C8orf34: variants seen among roughly 807,000 people sequenced by gnomAD.
C8orf34 encodes uncharacterized protein C8orf34.
Under a neutral mutation model 68.3 loss-of-function variants are expected in C8orf34, and 65 were observed. That is an observed-to-expected ratio of 0.95 (90% confidence interval 0.78 to 1.17). The LOEUF is 1.17. Among genes scored for constraint, C8orf34 ranks in the 50% most tolerant of loss-of-function variants. The pLI, the probability that C8orf34 is intolerant of heterozygous loss-of-function variation, is 0.00. For synonymous variants in C8orf34, 244 were observed against 241.2 expected (o/e 1.01, Z -0.11); for missense variants, 664 against 655.4 (o/e 1.01, Z -0.14).
chr8:68,787,508 T>A lies in C8orf34; in HGVS notation c.1521T>A (p.Ser507Arg), dbSNP rs1409191176. ...GGATCTTGCCAAGTGACACAGAAAG[T>A]GAAGGAGTGGAAGCAGAACAAGAGA... ...QPWILPSDTE[S>R]EGVEAEQEKR... Residue 507 changes from serine (S) to arginine (R), a missense_variant, in exon 12 of 14, where the codon AGT becomes AGA. Physicochemically the swap from Ser to Arg is moderately radical, Grantham distance 110. Coordinates refer to ENST00000518698, the MANE Select transcript of C8orf34 (RefSeq NM_052958.4). The A allele has an allele frequency of 1.2e-6, 2 of 1,611,880 alleles. No homozygotes were observed. The highest frequency in any genetic ancestry group is 1.7e-6 in the Non-Finnish European group (2 of 1,178,614).
chr8:68,330,393 T>C (rs1805515807), upstream of C8orf34, among the ~76,000 whole-genome samples: 1 of 152,114 alleles, frequency 6.6e-6, no homozygotes, highest in Non-Finnish European at 1.5e-5. Flanking sequence ...AGTTTTCAGC[T>C]GGGTTCTCAG....
intron 7 of C8orf34, among the ~76,000 whole-genome samples, chr8:68,620,314 C>A (rs1213188493): frequency 6.6e-6 from 1 of 152,156 alleles, no homozygotes; most frequent in East Asian, 1.9e-4. Context: ...GCATCCCAGC[C>A]TAGGCCAGAG....
intron 1 of C8orf34, 58 bp from the exon 2 acceptor site, chr8:68,439,441 T>A (rs1810803423): frequency 2.0e-6 from 3 of 1,535,444 alleles, no homozygotes; most frequent in Non-Finnish European, 2.7e-6. Context: ...AAGTAAGTGC[T>A]TGCTATTACT....
At chr8:68,367,899 T>TA (rs1377295258) in intron 1 of C8orf34, among the ~76,000 whole-genome samples, 1 of 8,246 alleles carries the variant, frequency 1.2e-4, no homozygotes, top group Non-Finnish European at 2.6e-4. Flanking sequence ...TAAAGTATAA[T>TA]AAAAAAAGAA....
At chr8:68,354,068 T>A (rs1806638575) in intron 1 of C8orf34, among the ~76,000 whole-genome samples, 1 of 152,084 alleles carries the variant, frequency 6.6e-6, no homozygotes, top group Non-Finnish European at 1.5e-5. Flanking sequence ...TTGTTTATAG[T>A]GTTTACTCAT....
rs575279614 is a variant in C8orf34, at chr8:68,456,807, T to C, written c.607+10347T>C. On this transcript the variant is annotated intron_variant, in intron 3 of 13. Transcript: ENST00000518698. The stretch of plus-strand genomic sequence containing the variant: ...GGCATAGGGACAAAGATCTGCAAGG[T>C]AGCGTTATAGTATCAGTCTTCAATA... Among the ~76,000 whole-genome samples the C allele has an allele frequency of 6.6e-5, 10 of 152,336 alleles. No homozygotes were observed. The South Asian group carries it at 2.1e-3, about 32-fold the overall frequency.
At chr8:68,483,023 T>G (rs749492986) in intron 4 of C8orf34, among the ~76,000 whole-genome samples, 1 of 152,202 alleles carries the variant, frequency 6.6e-6, no homozygotes, top group African/African-American at 2.4e-5. Context: ...GGAGAAATAG[T>G]ACTATTTTAT....
At chr8:68,544,742 T>C (rs2129975679) in intron 7 of C8orf34, among the ~76,000 whole-genome samples, 1 of 152,192 alleles carries the variant, frequency 6.6e-6, no homozygotes, top group Non-Finnish European at 1.5e-5. Context: ...ATTGAAAAGT[T>C]TAGTATCCAA....
intron 8 of C8orf34, among the ~76,000 whole-genome samples, chr8:68,645,813 C>CT (rs1378544494): frequency 6.6e-6 from 1 of 152,044 alleles, no homozygotes; most frequent in Non-Finnish European, 1.5e-5. Context: ...TTTCCTTAAT[C>CT]TTTTTTTCAA....
At chr8:68,402,075 C>A (rs763453203) in intron 1 of C8orf34, among the ~76,000 whole-genome samples, 1 of 152,042 alleles carries the variant, frequency 6.6e-6, no homozygotes, top group East Asian at 1.9e-4. Context: ...TTTTATTACT[C>A]CAATTTCGTT....
chr8:68,555,224 T>A (rs1293432491), intron 7 of C8orf34, among the ~76,000 whole-genome samples: 1 of 152,146 alleles, frequency 6.6e-6, no homozygotes, highest in Non-Finnish European at 1.5e-5. Context: ...TTACTAATTG[T>A]ACAACCTTGA....
intron 5 of C8orf34, among the ~76,000 whole-genome samples, chr8:68,511,067 A>G (rs1387733568): frequency 6.6e-6 from 1 of 152,208 alleles, no homozygotes; most frequent in Non-Finnish European, 1.5e-5. Flanking sequence ...GCCTTGGTAA[A>G]ATAACCACTT....
intron 8 of C8orf34, among the ~76,000 whole-genome samples, chr8:68,699,360 C>G (rs1236489532): frequency 6.6e-6 from 1 of 152,094 alleles, no homozygotes; most frequent in Non-Finnish European, 1.5e-5. Flanking sequence ...TGTGCTGATT[C>G]CAATGCCCAG....
intron 8 of C8orf34, among the ~76,000 whole-genome samples, chr8:68,650,221 G>A (rs957644195): frequency 4.1e-4 from 62 of 150,286 alleles, no homozygotes; most frequent in Admixed American, 1.5e-3. Flanking sequence ...TTGTCCCATG[G>A]CCGTGGAAAA....
intron 12 of C8orf34, among the ~76,000 whole-genome samples, chr8:68,795,353 C>T (rs1824149048): frequency 6.7e-6 from 1 of 149,472 alleles, no homozygotes; most frequent in Non-Finnish European, 1.5e-5. Context: ...TATTTATGGG[C>T]CACAATTTCT....
intron 12 of C8orf34, among the ~76,000 whole-genome samples, chr8:68,799,484 T>C (rs557725029): frequency 6.6e-6 from 1 of 152,294 alleles, no homozygotes; most frequent in South Asian, 2.1e-4. Flanking sequence ...TGTTTCATGA[T>C]TTTCTTTGGC....
chr8:68,758,159 A>G (rs1266233008), intron 10 of C8orf34, among the ~76,000 whole-genome samples: 1 of 152,230 alleles, frequency 6.6e-6, no homozygotes, highest in African/African-American at 2.4e-5. Flanking sequence ...TGAGGAAATA[A>G]TGACATAAAC....
intron 1 of C8orf34, among the ~76,000 whole-genome samples, chr8:68,335,888 A>C (rs942119352): frequency 1.3e-5 from 2 of 152,046 alleles, no homozygotes; most frequent in African/African-American, 4.8e-5. Flanking sequence ...GAGACCAAAG[A>C]CCAGCCTGGC....
intron 1 of C8orf34, among the ~76,000 whole-genome samples, chr8:68,370,648 T>C (rs1451252466): frequency 6.6e-6 from 1 of 152,192 alleles, no homozygotes; most frequent in African/African-American, 2.4e-5. Context: ...CTTTCCTTTG[T>C]ATCATGATTT....
Sources: gnomAD v4.1 joint callset for allele counts (sites outside exome capture counted in the v4.1 genomes callset) on GRCh38, gnomAD v4.1.1 for gene constraint, MANE v1.5 for transcripts, NCBI Gene and HGNC (gene_info 2026-07-23, HGNC 2026-07-21) for gene names.